RORA: variants seen among roughly 807,000 people sequenced by gnomAD.
The protein encoded by RORA is nuclear receptor ROR-alpha.
RORA carries 7 observed loss-of-function variants against 69.5 expected under a neutral mutation model. The ratio of observed to expected loss-of-function variants is 0.10; its 90% confidence interval spans 0.06 to 0.19. The LOEUF (loss-of-function observed/expected upper bound fraction) is 0.19. Among genes scored for constraint, RORA ranks in the 10% least tolerant of loss-of-function variants. RORA has a pLI of 1.00. For missense variants in RORA, 457 were observed against 663.0 expected (o/e 0.69, Z 3.41); for synonymous variants, 261 against 240.8 (o/e 1.08, Z -0.78).
rs1313483035 is a variant in RORA, at chr15:60,492,317, A to G, written c.*5138T>C. ...TAACAAAACGGTATTTCAAAAATATAACATGTAACACTAAATGTTGGCTCG... is the reference window on the plus strand; with the variant it reads ...TAACAAAACGGTATTTCAAAAATATGACATGTAACACTAAATGTTGGCTCG... On this transcript the variant is annotated 3_prime_UTR_variant, in exon 11 of 11. Coordinates refer to ENST00000335670, the MANE Select transcript of RORA (RefSeq NM_134261.3). 1 of 152,210 alleles carries G rather than the reference A, an allele frequency of 6.6e-6. No homozygotes were observed. Among genetic ancestry groups the G allele is most frequent in the Non-Finnish European group, 1.5e-5 (1 of 68,016 alleles). 9.4% of individuals were successfully genotyped at this position (152,210 alleles called of 1,614,324 possible). A position where few individuals can be genotyped will look rare whatever the true frequency, so the allele number is the denominator to read the frequency against.
chr15:61,211,209 C>G (rs1396164688), intron 1 of RORA, among the ~76,000 whole-genome samples: 2 of 151,190 alleles, frequency 1.3e-5, no homozygotes, highest in Admixed American at 6.6e-5. Flanking sequence ...TGGCCACCAA[C>G]GTCCTGAACA....
intron 1 of RORA, among the ~76,000 whole-genome samples, chr15:60,805,523 T>C (rs2072648074): frequency 6.6e-6 from 1 of 152,248 alleles, no homozygotes. Context: ...CCTTCTCTGA[T>C]CTTGTTGTCC....
intron 1 of RORA, among the ~76,000 whole-genome samples, chr15:60,684,835 A>T (rs987824819): frequency 1.3e-5 from 2 of 152,128 alleles, no homozygotes; most frequent in African/African-American, 4.8e-5. Flanking sequence ...CCAAATCTGA[A>T]GGCTTTCACA....
chr15:60,640,572 T>C (rs1393362984), intron 2 of RORA, among the ~76,000 whole-genome samples: 1 of 152,204 alleles, frequency 6.6e-6, no homozygotes, highest in Non-Finnish European at 1.5e-5. Flanking sequence ...ATCAAGCCCC[T>C]GCCTACCGCT....
intron 1 of RORA, among the ~76,000 whole-genome samples, chr15:60,839,216 G>A (rs1173424203): frequency 1.3e-5 from 2 of 152,164 alleles, no homozygotes; most frequent in East Asian, 3.9e-4. Flanking sequence ...TATTTTTTAA[G>A]TGCTTACGTG....
rs117147523 is a variant in RORA, at chr15:61,000,750, T to G, written c.166+228303A>C. Among the ~76,000 whole-genome samples, 615 of 152,258 alleles carry G rather than the reference T, an allele frequency of 4.0e-3. 3 individuals are homozygous for G. In the Middle Eastern group the frequency reaches 0.041, roughly 10 times the overall value. ...TATAAGAGGCTTTAGGGAAATTAAA[T>G]GAAAGCAGGAGAAATTCAGGTGGCC... On this transcript the variant is annotated intron_variant, in intron 1 of 10. Coordinates refer to ENST00000335670, the MANE Select transcript of RORA (RefSeq NM_134261.3).
intron 3 of RORA, chr15:60,528,868 G>C (rs2066444030): frequency 6.6e-6 from 1 of 152,242 alleles, no homozygotes; most frequent in Admixed American, 6.5e-5. Context: ...AGGTGCTCAA[G>C]CTGGTAAATA....
chr15:61,073,566 T>C (rs1184673090), intron 1 of RORA, among the ~76,000 whole-genome samples: 1 of 152,176 alleles, frequency 6.6e-6, no homozygotes, highest in Non-Finnish European at 1.5e-5. Flanking sequence ...TTCAGTGATA[T>C]GGGCTTAGGG....
chr15:61,091,775 T>A lies in RORA; in HGVS notation c.166+137278A>T, dbSNP rs375416581. On this transcript the variant is annotated intron_variant, in intron 1 of 10. Transcript: ENST00000335670. ...TGGGCTGCTAAGTATTTTATACCCA[T>A]CCATTATTAGAAATGTAAGTACTGC... Among the ~76,000 whole-genome samples, 8 of 152,326 alleles carry A rather than the reference T, an allele frequency of 5.3e-5. No individual in the cohort carries two copies. In the East Asian group the frequency reaches 1.5e-3, roughly 29 times the overall value.
intron 1 of RORA, among the ~76,000 whole-genome samples, chr15:61,123,294 G>T (rs759979196): frequency 6.6e-6 from 1 of 152,070 alleles, no homozygotes; most frequent in Non-Finnish European, 1.5e-5. Context: ...TGAGGCGAGG[G>T]GGGAGCAGGG....
At chr15:60,568,562 T>C (rs1301162369) in intron 2 of RORA, among the ~76,000 whole-genome samples, 1 of 152,032 alleles carries the variant, frequency 6.6e-6, no homozygotes, top group African/African-American at 2.4e-5. Flanking sequence ...ACTGGGGAAG[T>C]CTAGTCGAGA....
intron 3 of RORA, among the ~76,000 whole-genome samples, chr15:60,524,334 T>C (rs1167750746): frequency 1.3e-5 from 2 of 152,222 alleles, no homozygotes; most frequent in Non-Finnish European, 2.9e-5. Context: ...ATCAAACTGA[T>C]CAAGTCACTT....
intron 1 of RORA, among the ~76,000 whole-genome samples, chr15:60,991,872 C>T (rs1894391194): frequency 6.6e-6 from 1 of 151,844 alleles, no homozygotes; most frequent in Non-Finnish European, 1.5e-5. Flanking sequence ...CATCCCTGTA[C>T]TCCAGCCTGC....
At chr15:61,122,654 T>C (rs1211751828) in intron 1 of RORA, among the ~76,000 whole-genome samples, 2 of 152,198 alleles carry the variant, frequency 1.3e-5, no homozygotes, top group African/African-American at 4.8e-5. Flanking sequence ...GTAATTTTTT[T>C]TTCCCTAAGC....
chr15:61,172,466 G>A (rs1313069053), intron 1 of RORA, among the ~76,000 whole-genome samples: 1 of 152,158 alleles, frequency 6.6e-6, no homozygotes, highest in East Asian at 1.9e-4. Context: ...TGATAAGACA[G>A]GAGGGAAACT....
At chr15:60,934,062 T>C (rs527706066) in intron 1 of RORA, among the ~76,000 whole-genome samples, 15 of 152,306 alleles carry the variant, frequency 9.8e-5, no homozygotes, top group African/African-American at 2.6e-4. Context: ...TATGCATCAA[T>C]AGGGGTGGGT....
In RORA at chr15:60,992,523, C is replaced by G. The variant is rs189403089; in HGVS notation, c.166+236530G>C. On this transcript the variant is annotated intron_variant, in intron 1 of 10. Transcript: ENST00000335670. ...GTCAAGACTAGATCTTCCTATCCCC[C>G]ACAAGTGGGTATCCAGGCCTAGATA... Among the ~76,000 whole-genome samples the G allele has an allele frequency of 2.3e-3, 355 of 152,264 alleles. 1 individual carries two copies. The highest frequency in any genetic ancestry group is 8.1e-3 in the African/African-American group (336 of 41,556).
intron 2 of RORA, among the ~76,000 whole-genome samples, chr15:60,631,041 C>T (rs1166397307): frequency 1.3e-5 from 2 of 152,024 alleles, no homozygotes; most frequent in African/African-American, 2.4e-5. Context: ...AGGCACCCAC[C>T]ACCACACCCA....
At chr15:60,934,493 TGTTG>T (rs1185020959) in intron 1 of RORA, among the ~76,000 whole-genome samples, 1 of 147,208 alleles carries the variant, frequency 6.8e-6, no homozygotes, top group African/African-American at 2.6e-5. Flanking sequence ...TTGTTGTTGT[TGTTG>T]TTTGTTTGTT....
Sources: allele counts gnomAD v4.1 joint callset (sites outside exome capture counted in the v4.1 genomes callset), GRCh38; gene constraint gnomAD v4.1.1; transcripts MANE v1.5; gene names NCBI Gene and HGNC (gene_info 2026-07-23, HGNC 2026-07-21).